The following DNER variants were observed in gnomAD, a reference collection of about 807,000 sequenced individuals.
The protein encoded by DNER is delta/notch like EGF repeat containing.
DNER carries 33 observed loss-of-function variants against 78.2 expected under a neutral mutation model. The observed-to-expected ratio is 0.42, with a 90% CI of 0.32 to 0.56. The LOEUF is 0.56. Among genes scored for constraint, DNER ranks in the 20% least tolerant of loss-of-function variants. The pLI, the probability that DNER is intolerant of heterozygous loss-of-function variation, is 0.11. For missense variants in DNER, 918 were observed against 975.3 expected (o/e 0.94, Z 0.78); for synonymous variants, 417 against 384.8 (o/e 1.08, Z -0.98).
At chr2:229,449,858 A>G (rs1694419036) in intron 7 of DNER, among the ~76,000 whole-genome samples, 1 of 152,222 alleles carries the variant, frequency 6.6e-6, no homozygotes, top group East Asian at 1.9e-4. Flanking sequence ...ATCTTGGCTC[A>G]CTGCAACCTC....
intron 1 of DNER, among the ~76,000 whole-genome samples, chr2:229,603,347 G>T (rs753706565): frequency 9.2e-5 from 14 of 152,020 alleles, no homozygotes; most frequent in Non-Finnish European, 1.9e-4. Flanking sequence ...CACCAACATG[G>T]CACATGTATG....
chr2:229,458,557 T>G (rs1574852428), intron 7 of DNER, among the ~76,000 whole-genome samples: 2 of 152,094 alleles, frequency 1.3e-5, no homozygotes, highest in South Asian at 4.1e-4. Flanking sequence ...AAATTCAATA[T>G]GCATTCATCA....
In DNER at chr2:229,482,557, G is replaced by T. The variant is rs564205978; in HGVS notation, c.1148-5304C>A. ...CAGGCCTCACTCTATTCCGAATCTC[G>T]CCAAGCTTCTGCTCATAGGCATCAG... is the stretch of plus-strand genomic sequence containing the variant. On this transcript the variant is annotated intron_variant, in intron 6 of 12. Transcript: ENST00000341772. Among the ~76,000 whole-genome samples, 4 of 152,204 alleles carry T rather than the reference G, an allele frequency of 2.6e-5. No individual in the cohort carries two copies. The East Asian group carries it at 7.7e-4, about 29-fold the overall frequency.
intron 8 of DNER, among the ~76,000 whole-genome samples, chr2:229,437,318 A>T (rs769643278): frequency 6.6e-6 from 1 of 152,270 alleles, no homozygotes; most frequent in Non-Finnish European, 1.5e-5. Flanking sequence ...AGAGCTCTGA[A>T]TCTTCATTAA....
At chr2:229,530,416 C>T (rs75717498) in intron 5 of DNER, among the ~76,000 whole-genome samples, 3,549 of 152,294 alleles carry the variant, frequency 0.023, 137 homozygotes, top group African/African-American at 0.08. Flanking sequence ...TCTCCTGTGC[C>T]CTTCTCTCTC....
intron 5 of DNER, among the ~76,000 whole-genome samples, chr2:229,521,313 C>T (rs1275486321): frequency 2.0e-5 from 3 of 152,206 alleles, no homozygotes; most frequent in Admixed American, 2.0e-4. Context: ...TCCTGGCCGA[C>T]TCATGTAACG....
At chr2:229,413,642 T>C (rs1693579086) in intron 9 of DNER, among the ~76,000 whole-genome samples, 1 of 151,584 alleles carries the variant, frequency 6.6e-6, no homozygotes, top group Non-Finnish European at 1.5e-5. Context: ...TTCAAAATGT[T>C]CTTAGCTATA....
intron 5 of DNER, among the ~76,000 whole-genome samples, chr2:229,539,537 T>A (rs1696472309): frequency 6.6e-6 from 1 of 152,234 alleles, no homozygotes; most frequent in Admixed American, 6.5e-5. Context: ...AAAACTAAAT[T>A]CACCGTTTAC....
chr2:229,695,992 A>G (rs1343461944), intron 1 of DNER, among the ~76,000 whole-genome samples: 4 of 152,194 alleles, frequency 2.6e-5, no homozygotes, highest in Non-Finnish European at 5.9e-5. Flanking sequence ...ACTGAGCCAA[A>G]AAAACACCCA....
rs866759867 is a variant in DNER, at chr2:229,518,485, G to A, written c.994-5549C>T. Among the ~76,000 whole-genome samples, 63 of 152,356 alleles carry A rather than the reference G, an allele frequency of 4.1e-4. No individual in the cohort carries two copies. In the Middle Eastern group the frequency reaches 0.014, roughly 33 times the overall value. ...GCTATAAAGAAGTGTAAATTGATACGAGGAGACAGAGAGTGACAGTGGGGT... is the reference window on the plus strand; with the variant it reads ...GCTATAAAGAAGTGTAAATTGATACAAGGAGACAGAGAGTGACAGTGGGGT... On this transcript the variant is annotated intron_variant, in intron 5 of 12. Transcript: ENST00000341772.
chr2:229,407,807 C>T (rs888452101), intron 9 of DNER, among the ~76,000 whole-genome samples: 2 of 152,122 alleles, frequency 1.3e-5, no homozygotes, highest in African/African-American at 4.8e-5. Flanking sequence ...GAGGGGAAGC[C>T]GTGTGATACT....
chr2:229,425,548 G>A (rs1204569648), intron 8 of DNER, among the ~76,000 whole-genome samples: 8 of 152,062 alleles, frequency 5.3e-5, no homozygotes, highest in African/African-American at 1.7e-4. Flanking sequence ...CCAGTAAAAG[G>A]CAAAGCCTTC....
intron 1 of DNER, among the ~76,000 whole-genome samples, chr2:229,674,038 C>T: frequency 6.6e-6 from 1 of 152,318 alleles, no homozygotes; most frequent in South Asian, 2.1e-4. Context: ...CATTCTTGTC[C>T]TTGAACACAA....
chr2:229,639,158 A>G (rs1698573173), intron 1 of DNER, among the ~76,000 whole-genome samples: 1 of 152,252 alleles, frequency 6.6e-6, no homozygotes, highest in Non-Finnish European at 1.5e-5. Flanking sequence ...TTTAGAAACC[A>G]GACAAAGCTA....
chr2:229,618,313 G>T (rs1000416887), intron 1 of DNER, among the ~76,000 whole-genome samples: 10 of 152,290 alleles, frequency 6.6e-5, no homozygotes, highest in African/African-American at 2.4e-4. Flanking sequence ...GTCTAGAAAG[G>T]GGATGACAAC....
At chr2:229,457,432 G>A (rs1694600090) in intron 7 of DNER, among the ~76,000 whole-genome samples, 1 of 151,890 alleles carries the variant, frequency 6.6e-6, no homozygotes, top group African/African-American at 2.4e-5. Context: ...TGCATGAAGT[G>A]ATTAAATATT....
At chr2:229,681,206 C>A (rs1019529344) in intron 1 of DNER, among the ~76,000 whole-genome samples, 1 of 152,124 alleles carries the variant, frequency 6.6e-6, no homozygotes, top group African/African-American at 2.4e-5. Context: ...CCAGCAGGTA[C>A]AAGACTAGTA....
At chr2:229,411,351 G>T (rs1409487195) in intron 9 of DNER, among the ~76,000 whole-genome samples, 3 of 152,164 alleles carry the variant, frequency 2.0e-5, no homozygotes, top group South Asian at 4.1e-4. Context: ...GAGGTCAGGA[G>T]TTCGAGACCA....
intron 1 of DNER, among the ~76,000 whole-genome samples, chr2:229,635,708 G>A (rs560008165): frequency 9.2e-5 from 14 of 152,272 alleles, no homozygotes; most frequent in African/African-American, 2.6e-4. Context: ...TATTCACAAT[G>A]TCCATAGGAG....
Sources: gnomAD v4.1 joint callset for allele counts (sites outside exome capture counted in the v4.1 genomes callset) on GRCh38, gnomAD v4.1.1 for gene constraint, MANE v1.5 for transcripts, NCBI Gene and HGNC (gene_info 2026-07-23, HGNC 2026-07-21) for gene names.